The following DUSP11 variants were observed in gnomAD, a reference collection of about 807,000 sequenced individuals.
DUSP11 encodes dual specificity phosphatase 11, also known as RNA/RNP complex-1-interacting phosphatase.
DUSP11 carries 27 observed loss-of-function variants against 41.4 expected under a neutral mutation model. That is an observed-to-expected ratio of 0.65 (90% CI 0.48 to 0.90). The LOEUF (loss-of-function observed/expected upper bound fraction) is 0.90, where lower values mean the gene tolerates loss of function less well. Ranked by LOEUF, DUSP11 falls within the 40% of genes least tolerant of loss-of-function variation. The probability of loss-of-function intolerance (pLI) is 0.00; values close to 1 mark genes in which losing one functional copy is unlikely to be tolerated. For missense variants in DUSP11, 465 were observed against 461.1 expected, an observed-to-expected ratio of 1.01 and a Z score of -0.08; for synonymous variants, 188 against 159.3, an observed-to-expected ratio of 1.18 and a Z score of -1.35.
chr2:73,770,826 C>T (rs897395637), intron 4 of DUSP11, among the ~76,000 whole-genome samples: 4 of 152,140 alleles, frequency 2.6e-5, no homozygotes, highest in African/African-American at 9.7e-5. Context: ...TTCTGCCCAG[C>T]CCCAACCTCT....
At chr2:73,763,191 GC>G (rs1227076218) in intron 8 of DUSP11, among the ~76,000 whole-genome samples, 5 of 152,126 alleles carry the variant, frequency 3.3e-5, no homozygotes, top group Admixed American at 3.3e-4. Context: ...ATAAATGCAT[GC>G]CCATACTATT....
intron 5 of DUSP11, chr2:73,768,526 A>T (rs1447346669): frequency 1.0e-6 from 1 of 985,308 alleles, no homozygotes; most frequent in Admixed American, 6.2e-5. Flanking sequence ...TTTTGAGTGA[A>T]ATTACCTCCG....
rs927279134 is a variant in DUSP11, at chr2:73,770,279, C to T, written c.575-954G>A. On this transcript the variant is annotated intron_variant, in intron 4 of 8. Transcript: ENST00000272444. Reference sequence around the variant, plus strand: ...CCTGTAATCCCAGCCCTTTGGGAGGCGGAGGTGGGTGGATCATCTGAGGTC... The same window carrying T: ...CCTGTAATCCCAGCCCTTTGGGAGGTGGAGGTGGGTGGATCATCTGAGGTC... Among the ~76,000 whole-genome samples the T allele has an allele frequency of 3.3e-5, 5 of 151,816 alleles. No homozygotes were observed. The South Asian group carries it at 1.0e-3, about 32-fold the overall frequency.
intron 4 of DUSP11, among the ~76,000 whole-genome samples, chr2:73,772,586 A>T (rs1189667682): frequency 6.6e-6 from 1 of 152,226 alleles, no homozygotes; most frequent in Non-Finnish European, 1.5e-5. Context: ...AGTGCTATAT[A>T]AAAATTTCAC....
rs186923937 is a variant in DUSP11, at chr2:73,777,130, G to A, written c.318+1171C>T. 3.8e-3 allele frequency among the ~76,000 whole-genome samples: 574 copies of A among 152,104 alleles called. 4 individuals carry two copies. The highest frequency in any genetic ancestry group is 0.013 in the African/African-American group (551 of 41,486). ...TGAGCAGCTGAGACTACAAGCACAC[G>A]CCACCGCGCCTGGTTAATTTTTGTA... On this transcript the variant is annotated intron_variant, in intron 2 of 8. Transcript: ENST00000272444.
intron 2 of DUSP11, among the ~76,000 whole-genome samples, chr2:73,775,705 A>C (rs939618665): frequency 1.3e-5 from 2 of 150,024 alleles, no homozygotes; most frequent in Non-Finnish European, 3.0e-5. Flanking sequence ...AATACAAAAA[A>C]TTAGCCAGGG....
At chr2:73,773,857 TCTC>T in exon 4 of DUSP11, 1 of 1,606,488 alleles carries the variant, frequency 6.2e-7, no homozygotes, top group East Asian at 2.2e-5. Flanking sequence ...TTAAAAATAG[TCTC>T]ATCATCAGGC....
intron 5 of DUSP11, chr2:73,768,131 A>G (rs1672504302): frequency 6.6e-6 from 1 of 152,216 alleles, no homozygotes; most frequent in African/African-American, 2.4e-5. Context: ...TACGTTCAGA[A>G]TTCTCTCCAC....
At chr2:73,765,407 C>A (rs1037087986) in intron 8 of DUSP11, among the ~76,000 whole-genome samples, 1 of 152,226 alleles carries the variant, frequency 6.6e-6, no homozygotes, top group Non-Finnish European at 1.5e-5. Flanking sequence ...CACTGGCTTC[C>A]GTGGTTCTGA....
intron 4 of DUSP11, among the ~76,000 whole-genome samples, chr2:73,770,990 A>G (rs973424928): frequency 6.6e-6 from 1 of 152,064 alleles, no homozygotes; most frequent in Non-Finnish European, 1.5e-5. Flanking sequence ...CAGACACCCA[A>G]TGGCTTGGTT....
chr2:73,772,502 A>C (rs528238311), intron 4 of DUSP11, among the ~76,000 whole-genome samples: 1 of 152,228 alleles, frequency 6.6e-6, no homozygotes, highest in Non-Finnish European at 1.5e-5. Context: ...AATCAGTATA[A>C]CGTGAACAAC....
intron 4 of DUSP11, among the ~76,000 whole-genome samples, chr2:73,770,198 A>AG (rs1180692163): frequency 6.6e-6 from 1 of 151,288 alleles, no homozygotes; most frequent in East Asian, 1.9e-4. Context: ...AAAAAAAAAA[A>AG]AAAGAAAGAA....
At chr2:73,773,217 G>A (rs1359522853) in intron 4 of DUSP11, 3 of 152,976 alleles carry the variant, frequency 2.0e-5, no homozygotes, top group Admixed American at 6.5e-5. Flanking sequence ...AATAAGAGGT[G>A]GTGGTATCCT....
chr2:73,763,032 T>C (rs1672392598), intron 8 of DUSP11, among the ~76,000 whole-genome samples, 173 bp from the exon 9 acceptor site: 3 of 152,164 alleles, frequency 2.0e-5, no homozygotes. Context: ...TAATTGTTAT[T>C]TCCCTAAGTT....
chr2:73,769,181 G>T, intron 5 of DUSP11, 84 bp downstream of exon 5: 1 of 1,185,336 alleles, frequency 8.4e-7, no homozygotes, highest in South Asian at 1.3e-5. Context: ...TTCTATACCA[G>T]TTCCATTTTT....
rs145236121 is a variant in DUSP11 at position 73,766,368 on chromosome 2, A to C, written c.935+50T>G. Reference sequence around the variant, plus strand: ...ATCATAATGTGTTTTCATTAACTATAGTATTAATTTCTATCTCAATTCTAG... The same window carrying C: ...ATCATAATGTGTTTTCATTAACTATCGTATTAATTTCTATCTCAATTCTAG... On this transcript the variant is annotated intron_variant, in intron 8 of 8. Transcript: ENST00000272444. The C allele has an allele frequency of 4.8e-5, 70 of 1,468,220 alleles. 1 individual carries two copies. The African/African-American group carries it at 7.0e-4, about 15-fold the overall frequency. 90.9% of individuals were successfully genotyped at this position (1,468,220 alleles called of 1,614,324 possible). A position where few individuals can be genotyped will look rare whatever the true frequency, so the allele number is the denominator to read the frequency against.
chr2:73,771,861 C>G (rs1351100179), intron 4 of DUSP11, among the ~76,000 whole-genome samples: 1 of 148,360 alleles, frequency 6.7e-6, no homozygotes, highest in Non-Finnish European at 1.5e-5. Flanking sequence ...TGCTCTGTCC[C>G]CCAGGCTGGA....
chr2:73,775,361 ATTTCT>A (rs1415893864), intron 2 of DUSP11, among the ~76,000 whole-genome samples: 6 of 139,574 alleles, frequency 4.3e-5, no homozygotes, highest in South Asian at 2.2e-4. Context: ...GCTTATAAAT[ATTTCT>A]TTTCTTTTTT....
Position 73,775,048 on chromosome 2 carries a change from TCA to T in DUSP11, c.319-6_319-5del. The T allele has an allele frequency of 6.2e-7, 1 of 1,608,066 alleles. No individual in the cohort carries two copies. The highest frequency in any genetic ancestry group is 1.7e-4 in the Middle Eastern group (1 of 6,016). Reference sequence around the variant, plus strand: ...GAGCAAGTTTCTTTTCAAAACTCTGTCACAGAGAATGAAATAAGAGCAAATAT... The same window carrying T: ...GAGCAAGTTTCTTTTCAAAACTCTGTCAGAGAATGAAATAAGAGCAAATAT... On this transcript the variant is annotated splice_polypyrimidine_tract_variant and splice_region_variant and intron_variant, in intron 2 of 8. Coordinates refer to ENST00000272444, the Ensembl canonical transcript of DUSP11.
Sources: allele counts gnomAD v4.1 joint callset (sites outside exome capture counted in the v4.1 genomes callset), GRCh38; gene constraint gnomAD v4.1.1; transcripts MANE v1.5; gene names NCBI Gene and HGNC (gene_info 2026-07-23, HGNC 2026-07-21).